Variants in TRPM1 observed in about 807,000 individuals in gnomAD.
TRPM1 encodes the protein TRPM1-203 APA Isoform, Intron 10.
Under a neutral mutation model 149.4 loss-of-function variants are expected in TRPM1, and 113 were observed. The observed-to-expected ratio is 0.76, with a 90% CI of 0.65 to 0.88. TRPM1 has a LOEUF of 0.88. Among genes scored for constraint, TRPM1 ranks in the 40% least tolerant of loss-of-function variants. TRPM1 has a pLI of 0.00. For synonymous variants in TRPM1, 741 were observed against 759.5 expected (o/e 0.98, Z 0.40); for missense variants, 1,976 against 2,038.7 (o/e 0.97, Z 0.59).
rs562787769 is a variant in TRPM1, at chr15:31,127,582, G to A, written c.54+33324C>T. Among the ~76,000 whole-genome samples, 10 of 152,276 alleles carry A rather than the reference G, an allele frequency of 6.6e-5. No individual in the cohort carries two copies. The East Asian group carries it at 7.7e-4, about 12-fold the overall frequency. On this transcript the variant is annotated intron_variant, in intron 1 of 26. Coordinates refer to the TRPM1 transcript ENST00000542188. ...AACATTCCGTTTGGGTTCCACTGTCGTTCTCAAACCTTCACTACAACTTGA... is the reference window on the plus strand; with the variant it reads ...AACATTCCGTTTGGGTTCCACTGTCATTCTCAAACCTTCACTACAACTTGA...
intron 1 of TRPM1, among the ~76,000 whole-genome samples, chr15:31,098,222 C>T (rs1336884618): frequency 6.6e-6 from 1 of 152,122 alleles, no homozygotes; most frequent in Non-Finnish European, 1.5e-5. Context: ...GGGCGGATCA[C>T]CTGAGGTCAG....
intron 1 of TRPM1, among the ~76,000 whole-genome samples, chr15:31,148,791 A>AT (rs2036255589): frequency 6.6e-6 from 1 of 152,218 alleles, no homozygotes; most frequent in East Asian, 1.9e-4. Context: ...TGGCTGGCTG[A>AT]TTTTTGCCAG....
chr15:31,076,909 TAG>T lies in TRPM1; in HGVS notation c.77_78del (p.Ser26Ter). The T allele has an allele frequency of 6.2e-7, 1 of 1,601,752 alleles. No individual in the cohort carries two copies. Among genetic ancestry groups the T allele is most frequent in the Non-Finnish European group, 8.6e-7 (1 of 1,168,852 alleles). Reference sequence around the variant, plus strand: ...TAATCGTGGATTTCAATTTACCTGTTAGAGTCTTTCATGCTAGGAATTACAAA... The same window carrying T: ...TAATCGTGGATTTCAATTTACCTGTTAGTCTTTCATGCTAGGAATTACAAA... ...CIFVIPSMKD[S>X]NRCCCGQFTN... On this transcript the variant is annotated frameshift_variant, in exon 3 of 28. Coordinates refer to ENST00000256552, the MANE Select transcript of TRPM1 (RefSeq NM_001252024.2). LOFTEE classifies it high-confidence loss of function.
chr15:31,052,999 T>C (rs1450262451), intron 11 of TRPM1, among the ~76,000 whole-genome samples: 2 of 152,148 alleles, frequency 1.3e-5, no homozygotes, highest in Non-Finnish European at 2.9e-5. Flanking sequence ...AATAGGAGAA[T>C]ATATTTGTAC....
intron 1 of TRPM1, among the ~76,000 whole-genome samples, chr15:31,123,697 A>C (rs2035908370): frequency 1.3e-5 from 2 of 152,212 alleles, no homozygotes; most frequent in South Asian, 2.1e-4. Context: ...AAAAACTGAC[A>C]ATTTCAAATG....
At chr15:31,112,849 C>A (rs2035710642) in intron 1 of TRPM1, among the ~76,000 whole-genome samples, 1 of 152,196 alleles carries the variant, frequency 6.6e-6, no homozygotes, top group African/African-American at 2.4e-5. Context: ...CCACAAAGAA[C>A]CCCCTTTTCT....
In TRPM1 at chr15:31,065,360, A is replaced by G. The variant is rs549511603; in HGVS notation, c.790+716T>C. On this transcript the variant is annotated intron_variant, in intron 7 of 27. Coordinates refer to ENST00000256552, the MANE Select transcript of TRPM1 (RefSeq NM_001252024.2). ...CAGGACTAGATGGTCTCCCACAAAA[A>G]TCTTGCCAGTAATGGGAAAAACAAA... 2.6e-5 allele frequency among the ~76,000 whole-genome samples: 4 copies of G among 152,296 alleles called. 1 individual carries two copies. The South Asian group carries it at 8.3e-4, about 32-fold the overall frequency.
intron 1 of TRPM1, among the ~76,000 whole-genome samples, chr15:31,089,448 T>G (rs1204292401): frequency 2.0e-5 from 3 of 152,226 alleles, no homozygotes; most frequent in Non-Finnish European, 4.4e-5. Flanking sequence ...AGGTCATTGG[T>G]GACCATGGCC....
At chr15:31,105,947 T>A (rs2035600631), upstream of TRPM1, among the ~76,000 whole-genome samples, 1 of 152,214 alleles carries the variant, frequency 6.6e-6, no homozygotes, top group Non-Finnish European at 1.5e-5. Context: ...GATTCACTCA[T>A]TGAATTTTCC....
chr15:31,006,823 T>G (rs1255098485), intron 27 of TRPM1, among the ~76,000 whole-genome samples: 4 of 152,186 alleles, frequency 2.6e-5, no homozygotes, highest in Admixed American at 1.3e-4. Context: ...TTGTATTCGG[T>G]GTGTAGATAT....
chr15:31,020,804 T>C (rs769969173), intron 27 of TRPM1, among the ~76,000 whole-genome samples: 7 of 152,144 alleles, frequency 4.6e-5, no homozygotes, highest in Non-Finnish European at 7.4e-5. Context: ...ACTGCATGCT[T>C]GTCTCTCTGT....
At chr15:31,089,758 A>G (rs2035174582) in intron 1 of TRPM1, among the ~76,000 whole-genome samples, 1 of 152,220 alleles carries the variant, frequency 6.6e-6, no homozygotes, top group African/African-American at 2.4e-5. Flanking sequence ...GTAATAGGTT[A>G]GTATCATTTT....
chr15:31,121,457 T>C (rs752458248), intron 1 of TRPM1, among the ~76,000 whole-genome samples: 12 of 152,120 alleles, frequency 7.9e-5, no homozygotes, highest in Non-Finnish European at 1.8e-4. Flanking sequence ...AGAGATCAGA[T>C]GCAGTCACTG....
intron 27 of TRPM1, among the ~76,000 whole-genome samples, chr15:31,006,144 T>C (rs1434643055): frequency 6.6e-6 from 1 of 152,190 alleles, no homozygotes; most frequent in East Asian, 1.9e-4. Flanking sequence ...TCCCTTTAAT[T>C]AAGGTTGATG....
upstream of TRPM1, among the ~76,000 whole-genome samples, chr15:31,104,744 C>T (rs2035577144): frequency 6.6e-6 from 1 of 151,996 alleles, no homozygotes; most frequent in Non-Finnish European, 1.5e-5. Flanking sequence ...CAGGTGCCTG[C>T]CACCACGCCC....
chr15:31,116,369 A>G (rs2035797677), intron 1 of TRPM1, among the ~76,000 whole-genome samples: 1 of 152,126 alleles, frequency 6.6e-6, no homozygotes, highest in Non-Finnish European at 1.5e-5. Context: ...GCACTTTGGG[A>G]GGCTGAGGCA....
chr15:31,066,475 C>A (rs1395506979), intron 6 of TRPM1, among the ~76,000 whole-genome samples: 1 of 152,168 alleles, frequency 6.6e-6, no homozygotes, highest in Non-Finnish European at 1.5e-5. Context: ...GCATTTATCA[C>A]AGAGAAATGA....
At chr15:31,066,863 T>G (rs2034390560) in intron 6 of TRPM1, among the ~76,000 whole-genome samples, 200 bp downstream of exon 6, 1 of 152,148 alleles carries the variant, frequency 6.6e-6, no homozygotes, top group East Asian at 1.9e-4. Flanking sequence ...ATGGAAACAT[T>G]CTGCACCTTG....
chr15:31,060,545 G>A lies in TRPM1; in HGVS notation c.1262C>T (p.Pro421Leu), dbSNP rs1298928345. The stretch of plus-strand genomic sequence containing the variant: ...TGAATCGAAAAAAAACAGTTTCACC[G>A]GCCAGTGGGGCCCAAAGACAAAGAT... Reference protein sequence around the residue: ...SQIFVFGPHWPPLGSLAPPTD... With the variant: ...SQIFVFGPHWLPLGSLAPPTD... The change falls in exon 11 of 28, where the codon CCG (proline) becomes CTG (leucine). Residue 421 changes from proline (P) to leucine (L), a missense_variant and splice_region_variant. Physicochemically the swap from Pro to Leu is moderately conservative, Grantham distance 98 (BLOSUM62 -3). This residue lies in a region of TRPM1 where 1,332 missense variants were observed against 1,347.1 expected (regional missense o/e 0.99). Transcript: ENST00000256552. 11 of 1,613,578 alleles carry A rather than the reference G, an allele frequency of 6.8e-6. No homozygotes were observed. The highest frequency in any genetic ancestry group is 4.4e-5 in the South Asian group (4 of 91,042).
Sources: gnomAD v4.1 joint callset for allele counts (sites outside exome capture counted in the v4.1 genomes callset) on GRCh38, gnomAD v4.1.1 for gene constraint, gnomAD v4.1.1 regional missense constraint, MANE v1.5 for transcripts, NCBI Gene and HGNC (gene_info 2026-07-23, HGNC 2026-07-21) for gene names.